The following ZNF345 variants were observed in gnomAD, a reference collection of about 807,000 sequenced individuals.
The protein encoded by ZNF345 is zinc finger protein HZF10.
For synonymous variants in ZNF345, 166 were observed against 187.9 expected (o/e 0.88, Z 0.95); for missense variants, 527 against 589.9 (o/e 0.89, Z 1.10).
chr19:36,869,358 T>G (rs962998286), intron 2 of ZNF345, among the ~76,000 whole-genome samples: 1 of 152,202 alleles, frequency 6.6e-6, no homozygotes, highest in Non-Finnish European at 1.5e-5. Flanking sequence ...TCTATGCCCT[T>G]TCCTGGTGAA....
Position 36,877,567 on chromosome 19 carries a change from C to A in ZNF345, c.737C>A (p.Thr246Asn), listed in dbSNP as rs139643208. 6.2e-6 allele frequency: 10 copies of A among 1,613,840 alleles called. No individual in the cohort carries two copies. Among genetic ancestry groups the A allele is most frequent in the Non-Finnish European group, 8.5e-6 (10 of 1,180,008 alleles). ...GCCTTTAGCAGTGGTTCGGCTCTTA[C>A]TCGGCATCAGAGAATTCATACCGGT... ...GMAFSSGSAL[T>N]RHQRIHTGEK... The change falls in exon 3 of 3, where the codon ACT becomes AAT. Residue 246 changes from threonine to asparagine, a missense_variant. Coordinates refer to ENST00000420450, the MANE Select transcript of ZNF345 (RefSeq NM_001242472.2).
chr19:36,884,389 A>G (rs2072985272), downstream of ZNF345, among the ~76,000 whole-genome samples: 1 of 152,136 alleles, frequency 6.6e-6, no homozygotes, highest in African/African-American at 2.4e-5. Flanking sequence ...GTGAAAGGAT[A>G]CAAATTACAA....
chr19:36,875,439 A>C (rs12463012), intron 2 of ZNF345, among the ~76,000 whole-genome samples: 3,392 of 152,212 alleles, frequency 0.022, 115 homozygotes, highest in African/African-American at 0.061. Context: ...AGTTTTGTGC[A>C]TTTGAAGAAC....
chr19:36,888,435 C>G (rs1408749446), intron 3 of ZNF345: 1 of 152,160 alleles, frequency 6.6e-6, no homozygotes, highest in Non-Finnish European at 1.5e-5. Flanking sequence ...AAAATTTATA[C>G]ACCCATTTTC....
At chr19:36,875,199 G>A (rs1373740344) in intron 2 of ZNF345, among the ~76,000 whole-genome samples, 4 of 151,988 alleles carry the variant, frequency 2.6e-5, no homozygotes, top group African/African-American at 7.3e-5. Context: ...GAATGGATAC[G>A]TAAATTACCT....
In ZNF345 at chr19:36,878,155, C is replaced by T. The variant is rs1483485270; in HGVS notation, c.1325C>T (p.Thr442Ile). The change falls in exon 3 of 3, where the codon ACT becomes ATT. Residue 442 changes from threonine to isoleucine, a missense_variant. By Grantham distance (89) the Thr-to-Ile change is moderately conservative. Transcript: ENST00000420450. ...GKAFYSGSSLTQHQRIHTGEK... is the reference protein window; with the variant it reads ...GKAFYSGSSLIQHQRIHTGEK... ...GCTTTTTATAGTGGCTCAAGCCTTA[C>T]TCAGCATCAGAGAATTCATACAGGT... The T allele has an allele frequency of 6.2e-7, 1 of 1,614,088 alleles. No homozygotes were observed. Among genetic ancestry groups the T allele is most frequent in the African/African-American group, 1.3e-5 (1 of 75,012 alleles).
At chr19:36,893,139 C>T (rs1222706241), downstream of ZNF345, 7 of 395,014 alleles carry the variant, frequency 1.8e-5, no homozygotes, top group East Asian at 1.1e-4. Flanking sequence ...ATGTCGGGGG[C>T]GGGTGGAGTT....
chr19:36,888,473 G>A (rs1018286281), intron 3 of ZNF345: 1 of 152,036 alleles, frequency 6.6e-6, no homozygotes, highest in African/African-American at 2.4e-5. Context: ...CTAAATTCTT[G>A]TGATCTTTCT....
At chr19:36,853,630 C>T (rs112022638) in intron 2 of ZNF345, among the ~76,000 whole-genome samples, 20 of 152,220 alleles carry the variant, frequency 1.3e-4, no homozygotes, top group African/African-American at 2.9e-4. Context: ...ATTTTTCTCC[C>T]GAGTGTGTAT....
chr19:36,852,002 C>G (rs2072277548), intron 2 of ZNF345, 98 bp downstream of exon 2: 2 of 152,124 alleles, frequency 1.3e-5, no homozygotes, highest in Non-Finnish European at 2.9e-5. Flanking sequence ...ATGAGATGAC[C>G]TGATCCCTGG....
intron 3 of ZNF345, among the ~76,000 whole-genome samples, chr19:36,886,839 A>G (rs1600723527): frequency 6.6e-6 from 1 of 151,494 alleles, no homozygotes; most frequent in East Asian, 1.9e-4. Flanking sequence ...AAAAAAATAC[A>G]AAAAATTAGC....
intron 3 of ZNF345, among the ~76,000 whole-genome samples, chr19:36,885,471 A>G (rs537273597): frequency 6.6e-6 from 1 of 151,828 alleles, no homozygotes; most frequent in Non-Finnish European, 1.5e-5. Flanking sequence ...CCACTCTCTT[A>G]AAGGTATGGG....
chr19:36,854,434 C>T (rs549584066), intron 2 of ZNF345: 3 of 152,020 alleles, frequency 2.0e-5, no homozygotes, highest in Non-Finnish European at 4.4e-5. Flanking sequence ...TTAAATGCAC[C>T]TTATTCTTTC....
chr19:36,856,878 C>T (rs556635958), intron 2 of ZNF345, among the ~76,000 whole-genome samples: 1,987 of 151,328 alleles, frequency 0.013, 18 homozygotes, highest in Non-Finnish European at 0.023. Context: ...TTGCTGTATT[C>T]TTTATTTTCA....
intron 3 of ZNF345, among the ~76,000 whole-genome samples, chr19:36,886,480 A>G (rs2072997296): frequency 6.6e-6 from 1 of 152,208 alleles, no homozygotes; most frequent in Non-Finnish European, 1.5e-5. Flanking sequence ...CATGAGAAAA[A>G]CATCAGTCAG....
chr19:36,873,748 T>C (rs947443040), intron 2 of ZNF345, among the ~76,000 whole-genome samples: 1 of 151,934 alleles, frequency 6.6e-6, no homozygotes, highest in Non-Finnish European at 1.5e-5. Flanking sequence ...TCTCTTCGTC[T>C]CCCTTATTTC....
At chr19:36,866,447 A>T (rs774202388) in intron 2 of ZNF345, among the ~76,000 whole-genome samples, 15 of 152,128 alleles carry the variant, frequency 9.9e-5, no homozygotes, top group Non-Finnish European at 1.9e-4. Flanking sequence ...TGCTATTATA[A>T]TTTTTTGCCA....
intron 3 of ZNF345, chr19:36,888,429 T>C (rs2073018242): frequency 6.6e-6 from 1 of 152,166 alleles, no homozygotes; most frequent in Non-Finnish European, 1.5e-5. Context: ...GTCAATAAAA[T>C]TTATACACCC....
At chr19:36,891,781 G>A in intron 3 of ZNF345, 1 of 1,614,126 alleles carries the variant, frequency 6.2e-7, no homozygotes, top group Non-Finnish European at 8.5e-7. Flanking sequence ...AGTAAGTGTT[G>A]AGGCACTATT....
Sources: gnomAD v4.1 joint callset for allele counts (sites outside exome capture counted in the v4.1 genomes callset) on GRCh38, gnomAD v4.1.1 for gene constraint, MANE v1.5 for transcripts, NCBI Gene and HGNC (gene_info 2026-07-23, HGNC 2026-07-21) for gene names.